Variants in VAT1L observed in about 807,000 individuals in gnomAD.
The protein encoded by VAT1L is putative NADPH-dependent quinone oxidoreductase VAT1L.
VAT1L carries 34 observed loss-of-function variants against 44.1 expected under a neutral mutation model. That is an observed-to-expected ratio of 0.77 (90% CI 0.59 to 1.03). The LOEUF (loss-of-function observed/expected upper bound fraction) is 1.03, where lower values mean the gene tolerates loss of function less well. Among genes scored for constraint, VAT1L ranks in the 50% least tolerant of loss-of-function variants. The pLI, the probability that VAT1L is intolerant of heterozygous loss-of-function variation, is 0.00. For synonymous variants in VAT1L, 253 were observed against 202.2 expected (o/e 1.25, Z -2.13); for missense variants, 615 against 538.8 (o/e 1.14, Z -1.40).
chr16:77,798,551 A>C (rs1158049533), intron 1 of VAT1L, among the ~76,000 whole-genome samples: 1 of 152,178 alleles, frequency 6.6e-6, no homozygotes, highest in Non-Finnish European at 1.5e-5. Context: ...TGTGTGTGCC[A>C]TAGAAGATGT....
At chr16:77,858,252 C>T (rs1486628825) in intron 3 of VAT1L, among the ~76,000 whole-genome samples, 2 of 151,964 alleles carry the variant, frequency 1.3e-5, no homozygotes, top group Non-Finnish European at 2.9e-5. Context: ...GGAAAGGATT[C>T]CTGGGGATGG....
intron 7 of VAT1L, among the ~76,000 whole-genome samples, chr16:77,930,714 C>G (rs543017892): frequency 1.3e-5 from 2 of 152,178 alleles, no homozygotes; most frequent in African/African-American, 4.8e-5. Context: ...AGTCTTCTTC[C>G]CAGGAAATGG....
intron 3 of VAT1L, among the ~76,000 whole-genome samples, chr16:77,842,720 C>A (rs975376227): frequency 6.6e-6 from 1 of 152,136 alleles, no homozygotes; most frequent in African/African-American, 2.4e-5. Flanking sequence ...CCTAAAACAC[C>A]TCTGCTCTCT....
intron 7 of VAT1L, among the ~76,000 whole-genome samples, chr16:77,952,649 G>T (rs1236247792): frequency 6.6e-6 from 1 of 152,016 alleles, no homozygotes. Flanking sequence ...CCGAGGTCAG[G>T]AGTTTGAGAC....
intron 2 of VAT1L, among the ~76,000 whole-genome samples, chr16:77,819,768 T>G (rs147755460): frequency 7.9e-4 from 121 of 152,350 alleles, no homozygotes; most frequent in African/African-American, 2.7e-3. Flanking sequence ...CAGCCTCTCT[T>G]ACCCCAGTTT....
At chr16:77,875,888 A>G (rs182282399) in intron 4 of VAT1L, among the ~76,000 whole-genome samples, 1 of 152,310 alleles carries the variant, frequency 6.6e-6, no homozygotes, top group East Asian at 1.9e-4. Flanking sequence ...CCATGAAGAC[A>G]GGGAGAACAC....
At chr16:77,930,948 C>T (rs1043068184) in intron 7 of VAT1L, among the ~76,000 whole-genome samples, 1 of 152,176 alleles carries the variant, frequency 6.6e-6, no homozygotes, top group African/African-American at 2.4e-5. Context: ...AGGCGCTGTA[C>T]TAAGAATCTT....
intron 1 of VAT1L, among the ~76,000 whole-genome samples, chr16:77,803,143 A>T (rs1443487200): frequency 6.6e-6 from 1 of 152,216 alleles, no homozygotes; most frequent in Non-Finnish European, 1.5e-5. Flanking sequence ...AAAGTTGCTC[A>T]TAGTCTACAG....
intron 5 of VAT1L, among the ~76,000 whole-genome samples, chr16:77,877,798 T>C (rs560706950): frequency 1.3e-5 from 2 of 152,266 alleles, no homozygotes; most frequent in East Asian, 1.9e-4. Context: ...CTTCAGACCA[T>C]TGTAACAGAA....
chr16:77,933,047 G>A (rs2017750615), intron 7 of VAT1L, among the ~76,000 whole-genome samples: 1 of 152,164 alleles, frequency 6.6e-6, no homozygotes, highest in African/African-American at 2.4e-5. Flanking sequence ...AAGTCTTCCT[G>A]AGTGTTTAGG....
intron 7 of VAT1L, among the ~76,000 whole-genome samples, chr16:77,970,051 TAAAAAAAA>T (rs36120858): frequency 8.1e-5 from 7 of 86,822 alleles, no homozygotes; most frequent in African/African-American, 3.3e-4. Context: ...ACATCTCTAC[TAAAAAAAA>T]AAAAAAAAAA....
chr16:77,918,679 C>A (rs192262984), intron 7 of VAT1L, among the ~76,000 whole-genome samples: 1 of 152,132 alleles, frequency 6.6e-6, no homozygotes, highest in African/African-American at 2.4e-5. Context: ...AGCTTCATCC[C>A]GGAAACTGTA....
At chr16:77,940,840 T>C (rs1031002149) in intron 7 of VAT1L, among the ~76,000 whole-genome samples, 2 of 152,178 alleles carry the variant, frequency 1.3e-5, no homozygotes, top group Non-Finnish European at 2.9e-5. Flanking sequence ...GGAATAGCCT[T>C]ACATTGTTTC....
intron 3 of VAT1L, among the ~76,000 whole-genome samples, chr16:77,840,900 C>G (rs1357497003): frequency 6.6e-6 from 1 of 152,216 alleles, no homozygotes; most frequent in Non-Finnish European, 1.5e-5. Flanking sequence ...CATCTTATTA[C>G]ACAATCCAGC....
chr16:77,835,733 C>T (rs551264756), intron 3 of VAT1L, among the ~76,000 whole-genome samples: 12 of 152,102 alleles, frequency 7.9e-5, no homozygotes, highest in South Asian at 2.1e-4. Context: ...ATTAGCCAGG[C>T]GTGGTGGTGG....
intron 1 of VAT1L, among the ~76,000 whole-genome samples, chr16:77,803,581 G>A (rs1456012414): frequency 4.6e-5 from 7 of 151,756 alleles, no homozygotes; most frequent in African/African-American, 7.3e-5. Context: ...CACCACGCCC[G>A]GCTAATTTTT....
intron 7 of VAT1L, among the ~76,000 whole-genome samples, chr16:77,919,984 T>G (rs1312895366): frequency 6.6e-6 from 1 of 152,088 alleles, no homozygotes; most frequent in Non-Finnish European, 1.5e-5. Context: ...CTTGAGAGTC[T>G]GACATACGAG....
At chr16:77,909,423 G>C (rs1309403142) in intron 7 of VAT1L, among the ~76,000 whole-genome samples, 1 of 152,042 alleles carries the variant, frequency 6.6e-6, no homozygotes, top group Non-Finnish European at 1.5e-5. Flanking sequence ...GATACCTTGA[G>C]GTCAGGAGTT....
At chr16:77,870,907 C>T (rs2017024548) in intron 4 of VAT1L, among the ~76,000 whole-genome samples, 1 of 152,148 alleles carries the variant, frequency 6.6e-6, no homozygotes, top group African/African-American at 2.4e-5. Flanking sequence ...AAAAGGGCTA[C>T]TGCAGCGCTT....
Sources: allele counts gnomAD v4.1 joint callset (sites outside exome capture counted in the v4.1 genomes callset), GRCh38; gene constraint gnomAD v4.1.1; transcripts MANE v1.5; gene names NCBI Gene and HGNC (gene_info 2026-07-23, HGNC 2026-07-21).